RARB: variants seen among roughly 807,000 people sequenced by gnomAD.
The protein encoded by RARB is HBV-activated protein.
In RARB, 17 loss-of-function variants were observed where a neutral mutation model predicts 51.9. The observed-to-expected ratio is 0.33, with a 90% confidence interval of 0.22 to 0.49. The LOEUF (loss-of-function observed/expected upper bound fraction) is 0.49. Ranked by LOEUF, RARB falls within the 20% of genes least tolerant of loss-of-function variation. The pLI is 0.99. For missense variants in RARB, 369 were observed against 550.8 expected, an observed-to-expected ratio of 0.67 and a Z score of 3.30; for synonymous variants, 215 against 195.4, an observed-to-expected ratio of 1.10 and a Z score of -0.84.
At chr3:24,923,416 G>C (rs891224913) in intron 2 of RARB, among the ~76,000 whole-genome samples, 1 of 151,654 alleles carries the variant, frequency 6.6e-6, no homozygotes, top group African/African-American at 2.4e-5. Context: ...GGTATAATTA[G>C]TGATGTACTA....
At chr3:25,272,689 C>A (rs894414486) in intron 5 of RARB, among the ~76,000 whole-genome samples, 12 of 152,208 alleles carry the variant, frequency 7.9e-5, no homozygotes, top group Non-Finnish European at 1.5e-4. Context: ...GAACCACTGC[C>A]CTAAGGCCTG....
intron 2 of RARB, among the ~76,000 whole-genome samples, chr3:24,883,000 C>A (rs1703197762): frequency 6.6e-6 from 1 of 152,154 alleles, no homozygotes; most frequent in African/African-American, 2.4e-5. Flanking sequence ...ATGCCTCAAA[C>A]TGCGTGCAGC....
chr3:25,574,164 C>T (rs1021270209), intron 4 of RARB, among the ~76,000 whole-genome samples: 1 of 152,176 alleles, frequency 6.6e-6, no homozygotes, highest in African/African-American at 2.4e-5. Flanking sequence ...ACGTGTTCTC[C>T]GCTTCCTTAG....
chr3:24,878,673 C>T (rs1325003709), intron 2 of RARB, among the ~76,000 whole-genome samples: 1 of 152,038 alleles, frequency 6.6e-6, no homozygotes, highest in Non-Finnish European at 1.5e-5. Flanking sequence ...TTGTGATAAC[C>T]AAAAGTATGC....
intron 2 of RARB, among the ~76,000 whole-genome samples, chr3:24,933,388 A>G (rs540300660): frequency 3.9e-5 from 6 of 152,202 alleles, no homozygotes; most frequent in South Asian, 2.1e-4. Flanking sequence ...AAAAATTTCC[A>G]TAGGTGCAGT....
chr3:25,005,713 G>A (rs529874728), intron 2 of RARB, among the ~76,000 whole-genome samples: 4 of 152,254 alleles, frequency 2.6e-5, no homozygotes, highest in East Asian at 1.9e-4. Flanking sequence ...ATGACTACTC[G>A]AAGCGGAAAT....
At chr3:25,131,603 T>C (rs541676362) in intron 3 of RARB, among the ~76,000 whole-genome samples, 2 of 152,114 alleles carry the variant, frequency 1.3e-5, no homozygotes, top group South Asian at 2.1e-4. Context: ...AAAACATATA[T>C]ACATATATTT....
At position 25,210,889 on chromosome 3, in the gene RARB, C is replaced by T. The variant is rs1030546362; in HGVS notation, c.178+36314C>T. The stretch of plus-strand genomic sequence containing the variant: ...ACTGACTCTTGCTCTAGACCTACCA[C>T]ATAAAAGTCCACTCAATATTATTTT... On this transcript the variant is annotated intron_variant, in intron 5 of 11. Coordinates refer to the RARB transcript ENST00000383772. Among the ~76,000 whole-genome samples, 3 of 152,176 alleles carry T rather than the reference C, an allele frequency of 2.0e-5. No individual in the cohort carries two copies. The South Asian group carries it at 6.2e-4, about 32-fold the overall frequency.
intron 5 of RARB, among the ~76,000 whole-genome samples, chr3:25,396,672 G>A (rs1707123526): frequency 1.3e-5 from 2 of 152,144 alleles, no homozygotes; most frequent in South Asian, 4.1e-4. Context: ...AGGGTTAGGT[G>A]TGTCTGAGCT....
intron 2 of RARB, among the ~76,000 whole-genome samples, chr3:24,955,874 C>T (rs566630510): frequency 2.8e-4 from 43 of 152,154 alleles, no homozygotes; most frequent in African/African-American, 1.0e-3. Context: ...CTTAGTGTTG[C>T]CCTCGGAAGA....
At chr3:25,515,763 A>G (rs1698133360) in intron 3 of RARB, among the ~76,000 whole-genome samples, 1 of 152,216 alleles carries the variant, frequency 6.6e-6, no homozygotes, top group African/African-American at 2.4e-5. Flanking sequence ...GAAAGGAGGT[A>G]TTGACTCAAA....
chr3:25,180,193 T>G (rs2125356733), intron 5 of RARB, among the ~76,000 whole-genome samples: 1 of 152,226 alleles, frequency 6.6e-6, no homozygotes, highest in Admixed American at 6.5e-5. Flanking sequence ...ATCACCTTTT[T>G]CCTAGGAAGG....
chr3:25,357,570 T>C (rs1204789865), intron 5 of RARB, among the ~76,000 whole-genome samples: 1 of 152,192 alleles, frequency 6.6e-6, no homozygotes, highest in Non-Finnish European at 1.5e-5. Flanking sequence ...GGTGTTTTAG[T>C]CATGAAGTAT....
intron 2 of RARB, among the ~76,000 whole-genome samples, chr3:24,861,934 T>C (rs976083214): frequency 6.6e-6 from 1 of 152,218 alleles, no homozygotes; most frequent in Admixed American, 6.5e-5. Flanking sequence ...ATGGACAAGG[T>C]ATGTATAATT....
At chr3:24,879,418 G>C (rs1484662928) in intron 2 of RARB, among the ~76,000 whole-genome samples, 2 of 145,568 alleles carry the variant, frequency 1.4e-5, no homozygotes, top group Non-Finnish European at 3.0e-5. Flanking sequence ...GACAGAGCAA[G>C]ACTCTGTCTC....
At chr3:25,573,012 C>T (rs981491287) in intron 4 of RARB, among the ~76,000 whole-genome samples, 1 of 152,134 alleles carries the variant, frequency 6.6e-6, no homozygotes, top group East Asian at 1.9e-4. Context: ...CATTGCCACT[C>T]CTGCGAGCGG....
rs147746637 is a variant in RARB, at chr3:25,081,539, C to T, written c.-328+21363C>T. Among the ~76,000 whole-genome samples, 604 of 126,402 alleles carry T rather than the reference C, an allele frequency of 4.8e-3. 16 individuals are homozygous for T. In the East Asian group the frequency reaches 0.076, roughly 16 times the overall value. 82.9% of individuals were successfully genotyped at this position (126,402 alleles called of 152,430 possible). A position where few individuals can be genotyped will look rare whatever the true frequency, so the allele number is the denominator to read the frequency against. On this transcript the variant is annotated intron_variant, in intron 3 of 11. Transcript: ENST00000383772. ...ATTAAAATCTCAAACTGTAATTGTA[C>T]ATGTGCCTATTTCTCCTTTTACTTT...
intron 2 of RARB, among the ~76,000 whole-genome samples, chr3:25,005,678 G>T (rs1207912964): frequency 6.6e-6 from 1 of 152,130 alleles, no homozygotes; most frequent in African/African-American, 2.4e-5. Flanking sequence ...GCCCAATTTA[G>T]TGTGGGAGGG....
chr3:24,967,609 C>T lies in RARB; in HGVS notation c.-379-92516C>T, dbSNP rs546336044. On this transcript the variant is annotated intron_variant, in intron 2 of 11. Transcript: ENST00000383772. ...GCCTAGGAATGAGTTATTACCCTTC[C>T]ACTGGCCTTTATGAGCTGCTCTGCA... Among the ~76,000 whole-genome samples, 322 of 152,222 alleles carry T rather than the reference C, an allele frequency of 2.1e-3. 1 individual carries two copies. The highest frequency in any genetic ancestry group is 7.3e-3 in the African/African-American group (302 of 41,556).
Sources: allele counts gnomAD v4.1 joint callset (sites outside exome capture counted in the v4.1 genomes callset), GRCh38; gene constraint gnomAD v4.1.1; transcripts MANE v1.5; gene names NCBI Gene and HGNC (gene_info 2026-07-23, HGNC 2026-07-21).